LARS2: variants seen among roughly 807,000 people sequenced by gnomAD.
LARS2 encodes the protein leucyl-tRNA synthetase 2, mitochondrial.
Under a neutral mutation model 116.6 loss-of-function variants are expected in LARS2, and 81 were observed. That is an observed-to-expected ratio of 0.69 (90% CI 0.58 to 0.84). The LOEUF (loss-of-function observed/expected upper bound fraction) is 0.84. Ranked by LOEUF, LARS2 falls within the 40% of genes least tolerant of loss-of-function variation. The pLI, the probability that LARS2 is intolerant of heterozygous loss-of-function variation, is 0.00. For missense variants in LARS2, 968 were observed against 1,114.5 expected, an observed-to-expected ratio of 0.87 and a Z score of 1.87; for synonymous variants, 396 against 407.2, an observed-to-expected ratio of 0.97 and a Z score of 0.33.
chr3:45,536,383 A>G (rs1233249536), intron 20 of LARS2, among the ~76,000 whole-genome samples: 2 of 152,250 alleles, frequency 1.3e-5, no homozygotes, highest in Admixed American at 6.5e-5. Flanking sequence ...TGCTAGGATT[A>G]TAGGCGTGAG....
chr3:45,435,110 A>G (rs1184261285), intron 6 of LARS2, among the ~76,000 whole-genome samples: 1 of 152,198 alleles, frequency 6.6e-6, no homozygotes, highest in Non-Finnish European at 1.5e-5. Flanking sequence ...TGTTAGATAC[A>G]GGCATGTATC....
chr3:45,391,422 T>C (rs1420183521), intron 1 of LARS2, among the ~76,000 whole-genome samples, 161 bp from the exon 2 acceptor site: 2 of 151,570 alleles, frequency 1.3e-5, no homozygotes, highest in African/African-American at 4.8e-5. Context: ...GAGGCGGAGG[T>C]TGCAGTGAGC....
rs1181180156 is a variant in LARS2, at chr3:45,500,572, A to G, written c.1753A>G (p.Lys585Glu). The change falls in exon 15 of 22, where the codon AAA becomes GAA. Residue 585 changes from lysine (K) to glutamate (E), a missense_variant. Transcript: ENST00000645846. ...TTTTTGCCATGATCAAAAAATGGTTAAACATAGGTAAGCACTTATACTGCT... is the reference window on the plus strand; with the variant it reads ...TTTTTGCCATGATCAAAAAATGGTTGAACATAGGTAAGCACTTATACTGCT... ...SHFCHDQKMV[K>E]HREPFHKLLA... 8 of 1,568,664 alleles carry G rather than the reference A, an allele frequency of 5.1e-6. No individual in the cohort carries two copies. Among genetic ancestry groups the G allele is most frequent in the Non-Finnish European group, 6.9e-6 (8 of 1,164,610 alleles).
chr3:45,508,843 CCCTT>C (rs1700236908), intron 15 of LARS2, among the ~76,000 whole-genome samples: 1 of 151,904 alleles, frequency 6.6e-6, no homozygotes, highest in South Asian at 2.1e-4. Context: ...TTCCTTCCCT[CCCTT>C]CCTCCCTCTC....
chr3:45,421,018 T>G (rs961837923), intron 6 of LARS2, among the ~76,000 whole-genome samples: 6 of 152,240 alleles, frequency 3.9e-5, no homozygotes, highest in African/African-American at 1.2e-4. Flanking sequence ...CATATATTTT[T>G]TGTCTTGAAT....
At chr3:45,440,965 C>T (rs571208917) in intron 6 of LARS2, among the ~76,000 whole-genome samples, 6 of 152,090 alleles carry the variant, frequency 3.9e-5, no homozygotes, top group African/African-American at 1.4e-4. Context: ...GTACATCAGC[C>T]CACCTCTGAG....
intron 20 of LARS2, among the ~76,000 whole-genome samples, chr3:45,534,822 G>A (rs79383820): frequency 0.048 from 7,309 of 152,282 alleles, 184 homozygotes; most frequent in Middle Eastern, 0.085. Context: ...CAGACCCAGC[G>A]TCTTGGCAGT....
intron 17 of LARS2, 52 bp from the exon 18 acceptor site, chr3:45,517,851 T>TC: frequency 6.9e-7 from 1 of 1,443,038 alleles, no homozygotes; most frequent in Non-Finnish European, 9.5e-7. Flanking sequence ...ACCAAGTCAA[T>TC]CACCCTTATG....
intron 9 of LARS2, among the ~76,000 whole-genome samples, chr3:45,475,557 G>A (rs1164829991): frequency 3.9e-5 from 6 of 152,154 alleles, no homozygotes; most frequent in African/African-American, 7.2e-5. Flanking sequence ...ACTAGCATTC[G>A]GTGTGGGTCT....
intron 4 of LARS2, among the ~76,000 whole-genome samples, chr3:45,404,593 G>T (rs143114730): frequency 5.7e-4 from 87 of 152,274 alleles, no homozygotes; most frequent in African/African-American, 1.9e-3. Flanking sequence ...GATTAATTTA[G>T]TCAGTAAGTA....
intron 6 of LARS2, chr3:45,422,069 AT>A (rs1698522259): frequency 6.6e-6 from 1 of 152,226 alleles, no homozygotes; most frequent in South Asian, 2.1e-4. Context: ...CACATATTTT[AT>A]TATTTCCTTA....
intron 6 of LARS2, among the ~76,000 whole-genome samples, chr3:45,438,931 G>A (rs1438146038): frequency 6.6e-6 from 1 of 152,122 alleles, no homozygotes; most frequent in African/African-American, 2.4e-5. Flanking sequence ...CCTATCATTT[G>A]TAAATTGCTG....
intron 1 of LARS2, chr3:45,389,097 G>A (rs1260573309): frequency 6.6e-6 from 1 of 152,178 alleles, no homozygotes. Context: ...AAATCCGCCT[G>A]AGGTCACAGG....
At chr3:45,397,718 AT>A (rs1173719198) in intron 3 of LARS2, among the ~76,000 whole-genome samples, 3 of 152,236 alleles carry the variant, frequency 2.0e-5, no homozygotes, top group African/African-American at 4.8e-5. Flanking sequence ...ATTTTCCCAT[AT>A]TCCTAAAAAT....
Position 45,465,277 on chromosome 3 carries a change from C to T in LARS2, c.750+6391C>T, listed in dbSNP as rs527591773. Among the ~76,000 whole-genome samples, 30 of 152,332 alleles carry T rather than the reference C, an allele frequency of 2.0e-4. No individual in the cohort carries two copies. The South Asian group carries it at 5.8e-3, about 29-fold the overall frequency. ...TTTTCTGTTTTCCCTGCCTCTCCAG[C>T]GTCTTTTCTCTCCTAAGCTATTCTA... On this transcript the variant is annotated intron_variant, in intron 8 of 21. Coordinates refer to ENST00000645846, the MANE Select transcript of LARS2 (RefSeq NM_015340.4).
intron 8 of LARS2, among the ~76,000 whole-genome samples, chr3:45,464,455 C>T (rs559183350): frequency 2.6e-5 from 4 of 152,304 alleles, no homozygotes; most frequent in South Asian, 2.1e-4. Context: ...GCTTTCTGCT[C>T]GTAACTTCAG....
At chr3:45,413,103 G>A (rs560757672) in intron 4 of LARS2, among the ~76,000 whole-genome samples, 6 of 152,218 alleles carry the variant, frequency 3.9e-5, no homozygotes, top group Admixed American at 6.5e-5. Flanking sequence ...TGTGTGGTCC[G>A]TTCGGTTTGG....
intron 8 of LARS2, among the ~76,000 whole-genome samples, chr3:45,466,486 TATG>T (rs1699427848): frequency 6.6e-6 from 1 of 152,132 alleles, no homozygotes; most frequent in Non-Finnish European, 1.5e-5. Flanking sequence ...GCAAAATCAA[TATG>T]ATGTCTGGAA....
At chr3:45,524,172 G>A in intron 20 of LARS2, 64 bp downstream of exon 20, 3 of 1,099,626 alleles carry the variant, frequency 2.7e-6, no homozygotes, top group Middle Eastern at 4.0e-4. Flanking sequence ...GCCTCTTTTT[G>A]AACATCATTC....
Sources: allele counts gnomAD v4.1 joint callset (sites outside exome capture counted in the v4.1 genomes callset), GRCh38; gene constraint gnomAD v4.1.1; transcripts MANE v1.5; gene names NCBI Gene and HGNC (gene_info 2026-07-23, HGNC 2026-07-21).